Variants in PCDH15 observed in about 807,000 individuals in gnomAD.
PCDH15 encodes protocadherin-15.
PCDH15 carries 129 observed loss-of-function variants against 178.5 expected under a neutral mutation model. That is an observed-to-expected ratio of 0.72 (90% CI 0.63 to 0.84). The LOEUF (loss-of-function observed/expected upper bound fraction) is 0.84. Among genes scored for constraint, PCDH15 ranks in the 40% least tolerant of loss-of-function variants. The probability of loss-of-function intolerance (pLI) is 0.00; values close to 1 mark genes in which losing one functional copy is unlikely to be tolerated. For missense variants in PCDH15, 2,230 were observed against 2,099.9 expected, an observed-to-expected ratio of 1.06 and a Z score of -1.21; for synonymous variants, 800 against 732.0, an observed-to-expected ratio of 1.09 and a Z score of -1.50.
At position 54,442,459 on chromosome 10, in the gene PCDH15, T is replaced by TAC. The variant is rs1232880850; in HGVS notation, c.158-63519_158-63518dup. ...ATATATATATATATATATATATATA[T>TAC]ACAGTCTTTTTTATTATAATAAATA... is the stretch of plus-strand genomic sequence containing the variant. On this transcript the variant is annotated intron_variant, in intron 3 of 37. Coordinates refer to ENST00000644397, the MANE Select transcript of PCDH15 (RefSeq NM_001384140.1). Among the ~76,000 whole-genome samples, 303 of 93,380 alleles carry TAC rather than the reference T, an allele frequency of 3.2e-3. 8 individuals carry two copies. The highest frequency in any genetic ancestry group is 9.6e-3 in the African/African-American group (199 of 20,696). 61.3% of individuals were successfully genotyped at this position (93,380 alleles called of 152,430 possible).
intron 2 of PCDH15, among the ~76,000 whole-genome samples, chr10:55,373,619 G>A (rs1018842898): frequency 3.9e-5 from 6 of 152,112 alleles, no homozygotes; most frequent in Middle Eastern, 3.4e-3. Flanking sequence ...ATGTTAGTGC[G>A]AGATCAGAGA....
intron 2 of PCDH15, among the ~76,000 whole-genome samples, chr10:54,918,039 T>C (rs1445981260): frequency 6.6e-6 from 1 of 152,024 alleles, no homozygotes; most frequent in Non-Finnish European, 1.5e-5. Flanking sequence ...TCCCTCTCCA[T>C]ACTTTAAGTT....
intron 2 of PCDH15, among the ~76,000 whole-genome samples, chr10:55,130,697 G>A (rs1312827447): frequency 1.3e-5 from 2 of 150,208 alleles, no homozygotes; most frequent in African/African-American, 4.9e-5. Context: ...GTGTGTGTGT[G>A]TGTGTGTGTG....
At chr10:54,555,032 G>T (rs2087023945) in intron 2 of PCDH15, among the ~76,000 whole-genome samples, 1 of 152,092 alleles carries the variant, frequency 6.6e-6, no homozygotes, top group Non-Finnish European at 1.5e-5. Context: ...TAGCTATTCT[G>T]CACTAACTGT....
At chr10:55,434,854 T>C (rs1589024716) in intron 2 of PCDH15, among the ~76,000 whole-genome samples, 2 of 152,244 alleles carry the variant, frequency 1.3e-5, no homozygotes, top group East Asian at 3.9e-4. Flanking sequence ...TCCACCGACC[T>C]TGGCCTCCCA....
At chr10:54,256,766 C>G (rs530012028) in intron 8 of PCDH15, among the ~76,000 whole-genome samples, 1 of 152,034 alleles carries the variant, frequency 6.6e-6, no homozygotes, top group African/African-American at 2.4e-5. Flanking sequence ...ATTTCTTTAG[C>G]CTTCCATTTA....
intron 2 of PCDH15, among the ~76,000 whole-genome samples, chr10:55,097,826 T>C (rs1401912038): frequency 6.6e-6 from 1 of 152,124 alleles, no homozygotes; most frequent in Non-Finnish European, 1.5e-5. Flanking sequence ...TCATTGTAGT[T>C]GAGAGGGAAA....
chr10:53,944,855 G>C (rs928515635), intron 23 of PCDH15, among the ~76,000 whole-genome samples: 1 of 152,132 alleles, frequency 6.6e-6, no homozygotes, highest in African/African-American at 2.4e-5. Context: ...CTTCAGTAAG[G>C]GCTTCCTCAA....
chr10:54,291,469 T>G (rs572288779), intron 8 of PCDH15, among the ~76,000 whole-genome samples: 83 of 152,056 alleles, frequency 5.5e-4, no homozygotes, highest in African/African-American at 1.9e-3. Flanking sequence ...AAATAAGTAA[T>G]ATCAGAGCAG....
At chr10:54,425,822 A>G (rs1956207836) in intron 3 of PCDH15, among the ~76,000 whole-genome samples, 1 of 152,142 alleles carries the variant, frequency 6.6e-6, no homozygotes, top group African/African-American at 2.4e-5. Flanking sequence ...CATATAATAC[A>G]TGAGGCTTTT....
At chr10:54,618,822 C>A in intron 2 of PCDH15, among the ~76,000 whole-genome samples, 1 of 151,480 alleles carries the variant, frequency 6.6e-6, no homozygotes, top group African/African-American at 2.4e-5. Flanking sequence ...ATAAGCTCAC[C>A]ATAGAGCAAA....
rs79535551 is a variant in PCDH15, at chr10:54,302,481, A to C, written c.876+14790T>G. Among the ~76,000 whole-genome samples the C allele has an allele frequency of 1.4e-4, 21 of 152,284 alleles. No individual in the cohort carries two copies. In the East Asian group the frequency reaches 4.1e-3, roughly 29 times the overall value. On this transcript the variant is annotated intron_variant, in intron 8 of 37. Transcript: ENST00000644397. ...TTAGGTCATGAGGGGTGTTAACAATAGTTCCCTTAATAAATGAAAGGCCTA... is the reference window on the plus strand; with the variant it reads ...TTAGGTCATGAGGGGTGTTAACAATCGTTCCCTTAATAAATGAAAGGCCTA...
intron 3 of PCDH15, among the ~76,000 whole-genome samples, chr10:54,874,283 C>A (rs552849959): frequency 1.1e-3 from 154 of 146,470 alleles, no homozygotes; most frequent in African/African-American, 3.8e-3. Context: ...TCATCCATGT[C>A]CCTACAAAGG....
intron 2 of PCDH15, among the ~76,000 whole-genome samples, chr10:55,029,763 T>C (rs1295814159): frequency 6.6e-6 from 1 of 152,144 alleles, no homozygotes; most frequent in Non-Finnish European, 1.5e-5. Context: ...TTGACACTTC[T>C]ATGTAGACAA....
At chr10:54,885,296 G>A (rs1954336265) in intron 3 of PCDH15, among the ~76,000 whole-genome samples, 1 of 151,762 alleles carries the variant, frequency 6.6e-6, no homozygotes, top group South Asian at 2.1e-4. Flanking sequence ...TTGAATGCTT[G>A]ACTGTCATGT....
intron 1 of PCDH15, among the ~76,000 whole-genome samples, chr10:55,314,199 G>GTATATATATA (rs34097929): frequency 2.2e-4 from 32 of 142,826 alleles, no homozygotes; most frequent in African/African-American, 6.1e-4. Context: ...ATGTTTGTGT[G>GTATATATATA]TATATATATA....
chr10:55,316,518 T>C (rs982908829), intron 1 of PCDH15, among the ~76,000 whole-genome samples: 29 of 152,172 alleles, frequency 1.9e-4, no homozygotes, highest in African/African-American at 6.3e-4. Context: ...TATCATTTCC[T>C]ATTAATTCTT....
At chr10:53,866,091 T>C (rs958827823) in intron 27 of PCDH15, among the ~76,000 whole-genome samples, 11 of 152,154 alleles carry the variant, frequency 7.2e-5, no homozygotes, top group African/African-American at 2.7e-4. Flanking sequence ...TTATTGACTA[T>C]AGCCAAATAT....
At chr10:55,401,081 C>T (rs1838051182) in intron 2 of PCDH15, among the ~76,000 whole-genome samples, 1 of 152,078 alleles carries the variant, frequency 6.6e-6, no homozygotes, top group East Asian at 1.9e-4. Flanking sequence ...TATGGGTTGT[C>T]CTGGGAACAC....
Sources: allele counts gnomAD v4.1 joint callset (sites outside exome capture counted in the v4.1 genomes callset), GRCh38; gene constraint gnomAD v4.1.1; transcripts MANE v1.5; gene names NCBI Gene and HGNC (gene_info 2026-07-23, HGNC 2026-07-21).